The following NOD2 variants were observed in gnomAD, a reference collection of about 807,000 sequenced individuals.
NOD2 encodes nucleotide binding oligomerization domain containing 2.
NOD2 carries 86 observed loss-of-function variants against 90.9 expected under a neutral mutation model. The observed-to-expected ratio is 0.95, with a 90% CI of 0.79 to 1.13. NOD2 has a LOEUF of 1.13. Ranked by LOEUF, NOD2 falls within the 50% of genes most tolerant of loss-of-function variation. The pLI is 0.00. For missense variants in NOD2, 1,238 were observed against 1,283.8 expected, an observed-to-expected ratio of 0.96 and a Z score of 0.55; for synonymous variants, 581 against 554.6, an observed-to-expected ratio of 1.05 and a Z score of -0.67.
intron 7 of NOD2, 60 bp downstream of exon 7, chr16:50,720,068 A>G: frequency 6.7e-7 from 1 of 1,491,700 alleles, no homozygotes; most frequent in Non-Finnish European, 9.3e-7. Context: ...TTGAGGATTT[A>G]GGGGCAGGTG....
Position 50,712,006 on chromosome 16 carries a change from G to A in NOD2, c.2014G>A (p.Ala672Thr). The A allele has an allele frequency of 6.2e-7, 1 of 1,613,210 alleles. No individual in the cohort carries two copies. The highest frequency in any genetic ancestry group is 8.5e-7 in the Non-Finnish European group (1 of 1,179,904). ...LLAECQTSEK[A>T]LLRRQACARW... ...GGCTGAGTGCCAGACATCTGAGAAG[G>A]CCCTGCTCCGGCGCCAGGCCTGTGC... The change falls in exon 4 of 12, where the codon GCC becomes ACC. Residue 672 changes from alanine (A) to threonine (T), a missense_variant. Ala to Thr is a moderately conservative substitution (Grantham distance 58). This residue lies in a region of NOD2 where 667 missense variants were observed against 688.7 expected (regional missense o/e 0.97). Transcript: ENST00000647318.
intron 9 of NOD2, among the ~76,000 whole-genome samples, chr16:50,724,667 T>C (rs978091707): frequency 2.0e-5 from 3 of 152,184 alleles, no homozygotes; most frequent in African/African-American, 4.8e-5. Context: ...GACTTAGCTG[T>C]TTGTTATAAG....
Position 50,699,872 on chromosome 16 carries a change from T to C in NOD2, c.377T>C (p.Leu126Pro), listed in dbSNP as rs867184583. 1 of 1,613,378 alleles carries C rather than the reference T, an allele frequency of 6.2e-7. No individual in the cohort carries two copies. Among genetic ancestry groups the C allele is most frequent in the Non-Finnish European group, 8.5e-7 (1 of 1,180,016 alleles). Residue 126 changes from leucine to proline, a missense_variant, in exon 2 of 12, where the codon CTG (leucine) becomes CCG (proline). Coordinates refer to ENST00000647318, the MANE Select transcript of NOD2 (RefSeq NM_001370466.1). ...RRLHSHVENM[L>P]DLAWERGFVS... is the part of the protein sequence containing the mutation. Reference sequence around the variant, plus strand: ...CTCCACAGCCATGTGGAGAACATGCTGGACCTGGCATGGGAGCGGGGTTTC... The same window carrying C: ...CTCCACAGCCATGTGGAGAACATGCCGGACCTGGCATGGGAGCGGGGTTTC...
At chr16:50,720,039 A>G (rs1326255323) in intron 7 of NOD2, 31 bp downstream of exon 7, 21 of 1,590,624 alleles carry the variant, frequency 1.3e-5, no homozygotes, top group East Asian at 2.2e-5. Flanking sequence ...AGGGACCTGC[A>G]TGGAGGGGCT....
intron 11 of NOD2, 85 bp from the exon 12 acceptor site, chr16:50,731,662 G>A (rs1965458336): frequency 6.4e-6 from 6 of 932,564 alleles, no homozygotes; most frequent in Non-Finnish European, 7.1e-6. Flanking sequence ...TCCCAGGCAT[G>A]GGTTTAAAAA....
chr16:50,725,479 T>C lies in NOD2; in HGVS notation c.2802-10T>C. The C allele has an allele frequency of 2.5e-6, 4 of 1,609,978 alleles. No individual in the cohort carries two copies. Among genetic ancestry groups the C allele is most frequent in the Non-Finnish European group, 3.4e-6 (4 of 1,176,282 alleles). ...TGTATCAACTGGATTTTCTCTCTTC[T>C]TCTCACCAGCCTGGAGGAGAACCAT... On this transcript the variant is annotated splice_polypyrimidine_tract_variant and intron_variant, in intron 9 of 11. Coordinates refer to ENST00000647318, the MANE Select transcript of NOD2 (RefSeq NM_001370466.1).
At chr16:50,718,486 A>T (rs1161288929) in intron 6 of NOD2, among the ~76,000 whole-genome samples, 1 of 152,272 alleles carries the variant, frequency 6.6e-6, no homozygotes, top group Non-Finnish European at 1.5e-5. Flanking sequence ...TTTCCATTTA[A>T]TATTTTTGGA....
intron 2 of NOD2, among the ~76,000 whole-genome samples, chr16:50,700,289 AT>A (rs879701215): frequency 0.026 from 3,900 of 147,800 alleles, 183 homozygotes; most frequent in African/African-American, 0.09. Flanking sequence ...TGAACAGCTA[AT>A]TTTTTTTTTT....
At chr16:50,697,370 C>A in intron 1 of NOD2, 1 of 1,490,916 alleles carries the variant, frequency 6.7e-7, no homozygotes, top group Non-Finnish European at 9.2e-7. Context: ...CTTCTTTCAT[C>A]CTTGGCCGCG....
At chr16:50,698,273 A>C (rs561276676) in intron 1 of NOD2, among the ~76,000 whole-genome samples, 3 of 152,122 alleles carry the variant, frequency 2.0e-5, no homozygotes, top group Admixed American at 1.3e-4. Context: ...AAGCTCCTGG[A>C]GGGTCACTTG....
rs762186831 is a variant in NOD2, at chr16:50,711,551, T to A, written c.1559T>A (p.Leu520His). ...PSLLRGRLPT[L>H]LHLGRLALWG... ...CTTCTTCGGGGCCGCCTCCCCACCC[T>A]CCTGCACCTGGGCAGACTGGCTCTG... The change falls in exon 4 of 12, where the codon CTC becomes CAC. Residue 520 changes from leucine (L) to histidine (H), a missense_variant. Around this residue, in one of 3 missense-constraint regions of NOD2, gnomAD observed 667 missense variants for 688.7 expected, o/e 0.97. Coordinates refer to ENST00000647318, the MANE Select transcript of NOD2 (RefSeq NM_001370466.1). 1 of 1,612,534 alleles carries A rather than the reference T, an allele frequency of 6.2e-7. No individual in the cohort carries two copies. The highest frequency in any genetic ancestry group is 1.7e-5 in the Admixed American group (1 of 60,022).
intron 6 of NOD2, 134 bp from the exon 7 acceptor site, chr16:50,719,791 G>A (rs760046780): frequency 2.5e-6 from 2 of 802,350 alleles, no homozygotes; most frequent in South Asian, 1.3e-5. Flanking sequence ...AGCAGCGAGG[G>A]CACCTGATGT....
chr16:50,710,634 T>C lies in NOD2; in HGVS notation c.642T>C (p.Asp214=). Residue 214 remains aspartate (D), a synonymous_variant, in exon 4 of 12, where the codon GAT becomes GAC. Coordinates refer to ENST00000647318, the MANE Select transcript of NOD2 (RefSeq NM_001370466.1). ...AGTCTCGCTTCCTCAGTACCTATGA[T>C]GGAGCAGAGACGCTCTGCCTGGAGG... The part of the protein sequence containing the change: ...SAQSRFLSTY[D]GAETLCLEDI... 1 of 1,614,152 alleles carries C rather than the reference T, an allele frequency of 6.2e-7. No homozygotes were observed.
intron 6 of NOD2, among the ~76,000 whole-genome samples, chr16:50,718,553 G>A (rs1282842871): frequency 1.3e-5 from 2 of 152,216 alleles, no homozygotes; most frequent in Non-Finnish European, 2.9e-5. Flanking sequence ...GATAAGCAGG[G>A]GGCAGGGATT....
At chr16:50,727,171 T>C (rs1965296042) in intron 10 of NOD2, among the ~76,000 whole-genome samples, 1 of 147,200 alleles carries the variant, frequency 6.8e-6, no homozygotes, top group Admixed American at 6.7e-5. Flanking sequence ...AGAAAAATAA[T>C]AATTTAAAAA....
At chr16:50,709,896 G>A (rs1426379581) in intron 3 of NOD2, 2 of 451,684 alleles carry the variant, frequency 4.4e-6, no homozygotes, top group South Asian at 3.1e-5. Flanking sequence ...TTATCTCGCT[G>A]CCTCCTGAAA....
chr16:50,697,248 G>A (rs1266310979), intron 1 of NOD2: 1 of 1,556,744 alleles, frequency 6.4e-7, no homozygotes, highest in South Asian at 1.2e-5. Context: ...GCTTTGATGG[G>A]GGAAGAGGGT....
chr16:50,700,542 C>T (rs547432626), intron 2 of NOD2, among the ~76,000 whole-genome samples: 2 of 152,350 alleles, frequency 1.3e-5, no homozygotes, highest in South Asian at 4.1e-4. Context: ...TGGAGCCTCT[C>T]CAGCCTCAGT....
rs5743296 is a variant in NOD2 at position 50,731,839 on chromosome 16, G to C, written c.*20G>C. ...CTTTGAAGTCTCCGGGAGGATGTTCGTCTCAGTTTGTTTGTGAGCAGGCTG... is the reference window on the plus strand; with the variant it reads ...CTTTGAAGTCTCCGGGAGGATGTTCCTCTCAGTTTGTTTGTGAGCAGGCTG... On this transcript the variant is annotated 3_prime_UTR_variant, in exon 12 of 12. Coordinates refer to ENST00000647318, the MANE Select transcript of NOD2 (RefSeq NM_001370466.1). The C allele has an allele frequency of 1.2e-5, 19 of 1,600,058 alleles. No homozygotes were observed. In the Admixed American group the frequency reaches 2.8e-4, roughly 24 times the overall value.
Sources: allele counts gnomAD v4.1 joint callset (sites outside exome capture counted in the v4.1 genomes callset), GRCh38; gene constraint gnomAD v4.1.1; regional missense constraint gnomAD v4.1.1; transcripts MANE v1.5; gene names NCBI Gene and HGNC (gene_info 2026-07-23, HGNC 2026-07-21).